Variants in ASIC2 observed in about 807,000 individuals in gnomAD.
ASIC2 encodes acid sensing ion channel subunit 2, also known as acid-sensing ion channel 2.
ASIC2 carries 25 observed loss-of-function variants against 57.3 expected under a neutral mutation model. The ratio of observed to expected loss-of-function variants is 0.44; its 90% CI spans 0.32 to 0.61. The LOEUF is 0.61. ASIC2 is among the 20% of genes least tolerant of loss of function. The pLI, the probability that ASIC2 is intolerant of heterozygous loss-of-function variation, is 0.06. For synonymous variants in ASIC2, 319 were observed against 307.5 expected (o/e 1.04, Z -0.39); for missense variants, 641 against 738.1 (o/e 0.87, Z 1.52).
Position 34,156,712 on chromosome 17 carries a change from T to C in ASIC2, c.-180A>G. 1.6e-6 allele frequency: 1 copy of C among 636,644 alleles called. No homozygotes were observed. The highest frequency in any genetic ancestry group is 2.7e-6 in the Non-Finnish European group (1 of 377,228). The allele number at this position is 636,644 out of a possible 1,614,324, so 39.4% of individuals were successfully genotyped here. A position where few individuals can be genotyped will look rare whatever the true frequency, so the allele number is the denominator to read the frequency against. On this transcript the variant is annotated 5_prime_UTR_variant, in exon 1 of 10. Transcript: ENST00000359872. The surrounding 1 kb of genome is among the most constrained non-coding windows in gnomAD (Gnocchi z 4.4). Reference sequence around the variant, plus strand: ...CCGCACGCTGACAGGGGTGAGTGTTTATATAAAACCCATTCAAACTCTAGC... The same window carrying C: ...CCGCACGCTGACAGGGGTGAGTGTTCATATAAAACCCATTCAAACTCTAGC...
intron 1 of ASIC2, among the ~76,000 whole-genome samples, chr17:33,304,708 G>A (rs892643065): frequency 2.0e-5 from 3 of 152,162 alleles, no homozygotes; most frequent in Non-Finnish European, 2.9e-5. Flanking sequence ...ACAAAACCCA[G>A]CAATGAGTCA....
intron 1 of ASIC2, among the ~76,000 whole-genome samples, chr17:34,049,371 G>A (rs1908460108): frequency 6.6e-6 from 1 of 152,148 alleles, no homozygotes; most frequent in African/African-American, 2.4e-5. Flanking sequence ...TGGTAGAAGA[G>A]CCCTCCTGAG....
At chr17:33,874,550 G>A (rs1914505365) in intron 1 of ASIC2, among the ~76,000 whole-genome samples, 1 of 152,206 alleles carries the variant, frequency 6.6e-6, no homozygotes, top group African/African-American at 2.4e-5. Flanking sequence ...TTCTGATAAT[G>A]GCTTAACCTC....
At chr17:33,992,529 G>A (rs1321006456) in intron 1 of ASIC2, among the ~76,000 whole-genome samples, 2 of 152,082 alleles carry the variant, frequency 1.3e-5, no homozygotes, top group Admixed American at 6.5e-5. Context: ...AAGAGTCTCT[G>A]CTTACCTTAA....
intron 1 of ASIC2, among the ~76,000 whole-genome samples, chr17:33,496,150 G>A (rs1442872875): frequency 6.6e-6 from 1 of 152,164 alleles, no homozygotes; most frequent in Admixed American, 6.5e-5. Flanking sequence ...TATAAGGGTA[G>A]GAAAGGCAGA....
intron 3 of ASIC2, among the ~76,000 whole-genome samples, chr17:33,046,840 C>T (rs1242550457): frequency 6.6e-6 from 1 of 152,242 alleles, no homozygotes; most frequent in Non-Finnish European, 1.5e-5. Flanking sequence ...CCCAACACTC[C>T]ACCAGGGAGG....
intron 1 of ASIC2, among the ~76,000 whole-genome samples, chr17:33,160,480 T>G (rs1211018332): frequency 6.6e-6 from 1 of 152,146 alleles, no homozygotes; most frequent in Non-Finnish European, 1.5e-5. Context: ...GCCTTGACAG[T>G]CTCTTCCTCT....
chr17:33,959,940 A>G (rs1249668260), intron 1 of ASIC2, among the ~76,000 whole-genome samples: 5 of 152,192 alleles, frequency 3.3e-5, no homozygotes, highest in Non-Finnish European at 7.3e-5. Context: ...ATAGAGCCCA[A>G]TGTCTCCTTT....
chr17:33,905,669 G>C (rs906275314), intron 1 of ASIC2, among the ~76,000 whole-genome samples: 1 of 152,092 alleles, frequency 6.6e-6, no homozygotes, highest in African/African-American at 2.4e-5. Flanking sequence ...TTGTAAACAG[G>C]AGAGAGGTAG....
intron 1 of ASIC2, among the ~76,000 whole-genome samples, chr17:33,444,371 G>C (rs1425750803): frequency 1.3e-5 from 2 of 152,204 alleles, no homozygotes; most frequent in Admixed American, 1.3e-4. Flanking sequence ...GGGAATGTGT[G>C]GTTGGTGCAA....
In ASIC2 at chr17:33,593,381, G is replaced by A. The variant is rs546898813; in HGVS notation, c.556-481314C>T. Among the ~76,000 whole-genome samples the A allele has an allele frequency of 5.5e-5, 5 of 90,232 alleles. No individual in the cohort carries two copies. In the East Asian group the frequency reaches 1.4e-3, roughly 26 times the overall value. The allele number at this position is 90,232 out of a possible 152,430, so 59.2% of individuals were successfully genotyped here. ...TCATTGGTAAAAAAAAAAGCACATT[G>A]TGGCTAGGTTATCTTCAAGGGCTCG... On this transcript the variant is annotated intron_variant, in intron 1 of 9. Transcript: ENST00000359872.
intron 1 of ASIC2, among the ~76,000 whole-genome samples, chr17:33,420,675 A>AC (rs1383004152): frequency 2.0e-5 from 3 of 152,124 alleles, no homozygotes; most frequent in African/African-American, 7.2e-5. Context: ...AAGCCAGTCC[A>AC]CCCCCCTCCA....
chr17:33,443,672 T>G (rs1468147420), intron 1 of ASIC2, among the ~76,000 whole-genome samples: 11 of 151,848 alleles, frequency 7.2e-5, no homozygotes, highest in Admixed American at 7.2e-4. Context: ...CGCCTCGGCC[T>G]CCCAAAGTGC....
At chr17:33,232,446 A>ATGGAATGGTATGGTATGGT (rs1567792727) in intron 1 of ASIC2, among the ~76,000 whole-genome samples, 4 of 127,952 alleles carry the variant, frequency 3.1e-5, no homozygotes, top group African/African-American at 1.3e-4. Context: ...TATGGTATGG[A>ATGGAATGGTATGGTATGGT]ATGGTATGGT....
intron 1 of ASIC2, among the ~76,000 whole-genome samples, chr17:33,760,260 A>G (rs1910741274): frequency 6.6e-6 from 1 of 152,152 alleles, no homozygotes; most frequent in Non-Finnish European, 1.5e-5. Context: ...CTGGAATGAA[A>G]GCAGGAAAAA....
intron 1 of ASIC2, among the ~76,000 whole-genome samples, chr17:33,227,201 C>T (rs1907913902): frequency 6.6e-6 from 1 of 152,178 alleles, no homozygotes; most frequent in South Asian, 2.1e-4. Context: ...CTGGGCTTAG[C>T]ACAGAACTTG....
intron 1 of ASIC2, among the ~76,000 whole-genome samples, chr17:33,158,292 T>C (rs1485714376): frequency 6.6e-6 from 1 of 151,862 alleles, no homozygotes. Flanking sequence ...AATGAATGAA[T>C]GAATGAATGA....
intron 1 of ASIC2, among the ~76,000 whole-genome samples, chr17:34,098,343 A>C (rs1461878557): frequency 1.3e-5 from 2 of 152,200 alleles, no homozygotes; most frequent in Non-Finnish European, 2.9e-5. Context: ...AACACACCAC[A>C]GTTCAGACAT....
rs758430665 is a variant in ASIC2 at position 33,983,325 on chromosome 17, T to C, written c.555+172653A>G. Among the ~76,000 whole-genome samples the C allele has an allele frequency of 6.8e-4, 103 of 152,178 alleles. 1 individual carries two copies. Among genetic ancestry groups the C allele is most frequent in the Non-Finnish European group, 1.3e-3 (88 of 68,028 alleles). The stretch of plus-strand genomic sequence containing the variant: ...CCTAATTATGTCTTGGCAAGCAGTG[T>C]CTCCTGGATGAGTCTTAATCTCAGT... On this transcript the variant is annotated intron_variant, in intron 1 of 9. Coordinates refer to the ASIC2 transcript ENST00000359872.
Sources: gnomAD v4.1 joint callset for allele counts (sites outside exome capture counted in the v4.1 genomes callset) on GRCh38, gnomAD v4.1.1 for gene constraint, Gnocchi (gnomAD v3.1) non-coding constraint, MANE v1.5 for transcripts, NCBI Gene and HGNC (gene_info 2026-07-23, HGNC 2026-07-21) for gene names.